The following PRKG1 variants were observed in gnomAD, a reference collection of about 807,000 sequenced individuals.
PRKG1 encodes protein kinase cGMP-dependent 1.
Under a neutral mutation model 88.1 loss-of-function variants are expected in PRKG1, and 35 were observed. The ratio of observed to expected loss-of-function variants is 0.40; its 90% CI spans 0.30 to 0.53. PRKG1 has a LOEUF of 0.53. PRKG1 is among the 20% of genes least tolerant of loss of function. The probability of loss-of-function intolerance (pLI) is 0.59; values close to 1 mark genes in which losing one functional copy is unlikely to be tolerated. For synonymous variants in PRKG1, 303 were observed against 292.5 expected, an observed-to-expected ratio of 1.04 and a Z score of -0.37; for missense variants, 540 against 839.8, an observed-to-expected ratio of 0.64 and a Z score of 4.41.
chr10:51,146,947 A>G (rs1845960186), intron 1 of PRKG1, among the ~76,000 whole-genome samples: 1 of 152,214 alleles, frequency 6.6e-6, no homozygotes, highest in Non-Finnish European at 1.5e-5. Context: ...TATACCCAAC[A>G]GAATACTATT....
chr10:51,155,366 A>G (rs2131979007), intron 2 of PRKG1, among the ~76,000 whole-genome samples: 1 of 152,160 alleles, frequency 6.6e-6, no homozygotes, highest in South Asian at 2.1e-4. Context: ...CTTTTTCTAA[A>G]TATTGTTTAC....
At chr10:51,256,227 G>C (rs1839555147) in intron 2 of PRKG1, among the ~76,000 whole-genome samples, 1 of 152,000 alleles carries the variant, frequency 6.6e-6, no homozygotes, top group Non-Finnish European at 1.5e-5. Context: ...TTTCACAGAG[G>C]AGTTTTAAAT....
intron 2 of PRKG1, among the ~76,000 whole-genome samples, chr10:51,264,703 A>T (rs1839795913): frequency 6.6e-6 from 1 of 152,176 alleles, no homozygotes; most frequent in Non-Finnish European, 1.5e-5. Context: ...GGAATCTTCA[A>T]GTAATAGTGA....
At chr10:51,082,562 C>G (rs1307357459) in intron 1 of PRKG1, among the ~76,000 whole-genome samples, 2 of 152,064 alleles carry the variant, frequency 1.3e-5, no homozygotes, top group Non-Finnish European at 2.9e-5. Context: ...GATAACCACT[C>G]TAATAGGAAG....
chr10:51,664,437 T>G (rs1299776127), intron 3 of PRKG1, among the ~76,000 whole-genome samples: 1 of 152,192 alleles, frequency 6.6e-6, no homozygotes, highest in Non-Finnish European at 1.5e-5. Context: ...TGTCCTAACA[T>G]GGACAGCTTA....
intron 2 of PRKG1, among the ~76,000 whole-genome samples, chr10:51,443,812 C>G (rs1227166228): frequency 6.6e-6 from 1 of 152,004 alleles, no homozygotes; most frequent in East Asian, 1.9e-4. Context: ...GGGTAACAGA[C>G]ATCAGTACTT....
At chr10:51,217,957 A>G (rs1338417175) in intron 2 of PRKG1, among the ~76,000 whole-genome samples, 1 of 152,126 alleles carries the variant, frequency 6.6e-6, no homozygotes, top group Admixed American at 6.6e-5. Flanking sequence ...CTCAGGTCTT[A>G]CAAGTGATTA....
At chr10:51,808,882 C>G (rs980050405) in intron 4 of PRKG1, among the ~76,000 whole-genome samples, 1 of 152,126 alleles carries the variant, frequency 6.6e-6, no homozygotes, top group South Asian at 2.1e-4. Context: ...CGGTAGGGGT[C>G]TCTGTTGTAC....
chr10:51,923,667 T>C (rs1197382005), intron 5 of PRKG1, among the ~76,000 whole-genome samples: 2 of 151,934 alleles, frequency 1.3e-5, no homozygotes, highest in Non-Finnish European at 2.9e-5. Context: ...TAACAGAGTA[T>C]TCCTGTCCCT....
At chr10:51,967,050 C>A (rs2133081783) in intron 5 of PRKG1, among the ~76,000 whole-genome samples, 1 of 152,186 alleles carries the variant, frequency 6.6e-6, no homozygotes, top group Admixed American at 6.5e-5. Context: ...CCCAGCCATC[C>A]AATTACTGGG....
intron 1 of PRKG1, among the ~76,000 whole-genome samples, chr10:51,108,933 C>G (rs574939358): frequency 1.4e-4 from 21 of 151,958 alleles, no homozygotes; most frequent in Non-Finnish European, 1.8e-4. Flanking sequence ...GATACTACAT[C>G]AATATGCAAA....
intron 2 of PRKG1, among the ~76,000 whole-genome samples, chr10:51,168,149 G>T (rs540286171): frequency 3.1e-4 from 47 of 152,180 alleles, no homozygotes; most frequent in Middle Eastern, 3.4e-3. Flanking sequence ...TGTGATCAGG[G>T]ACACTTTTAG....
At chr10:51,197,650 A>G (rs1190502815) in intron 2 of PRKG1, among the ~76,000 whole-genome samples, 1 of 151,958 alleles carries the variant, frequency 6.6e-6, no homozygotes, top group Non-Finnish European at 1.5e-5. Flanking sequence ...GCATATGTGT[A>G]TATACTAGTA....
intron 9 of PRKG1, among the ~76,000 whole-genome samples, chr10:52,175,848 T>G (rs1838850175): frequency 6.6e-6 from 1 of 152,150 alleles, no homozygotes; most frequent in East Asian, 1.9e-4. Flanking sequence ...CATTGTTTGG[T>G]TTTTGCTGTT....
chr10:51,896,573 G>T (rs1048139469), intron 4 of PRKG1, among the ~76,000 whole-genome samples: 2 of 148,360 alleles, frequency 1.3e-5, no homozygotes, highest in Non-Finnish European at 3.0e-5. Flanking sequence ...TTAGCCAAGT[G>T]TGGTGCAATG....
At chr10:51,042,980 A>G (rs935095435) in intron 1 of PRKG1, among the ~76,000 whole-genome samples, 4 of 152,186 alleles carry the variant, frequency 2.6e-5, no homozygotes, top group African/African-American at 9.7e-5. Flanking sequence ...CTATGCCTTA[A>G]TCTTGAACTT....
intron 2 of PRKG1, among the ~76,000 whole-genome samples, chr10:51,429,527 C>T (rs530183972): frequency 1.3e-5 from 2 of 152,150 alleles, no homozygotes; most frequent in East Asian, 3.9e-4. Context: ...CAGACAGAAA[C>T]TTTAAATTAG....
intron 1 of PRKG1, among the ~76,000 whole-genome samples, chr10:51,020,005 T>A (rs1417568094): frequency 1.3e-5 from 2 of 152,148 alleles, no homozygotes; most frequent in African/African-American, 4.8e-5. Flanking sequence ...ATAGCAAGTT[T>A]TGGCAAGGAT....
intron 3 of PRKG1, among the ~76,000 whole-genome samples, chr10:51,536,038 T>G (rs996051940): frequency 4.6e-5 from 7 of 152,168 alleles, no homozygotes; most frequent in Non-Finnish European, 1.0e-4. Flanking sequence ...TCAATGCTTT[T>G]GATAAATTAA....
Sources: gnomAD v4.1 joint callset for allele counts (sites outside exome capture counted in the v4.1 genomes callset) on GRCh38, gnomAD v4.1.1 for gene constraint, MANE v1.5 for transcripts, NCBI Gene and HGNC (gene_info 2026-07-23, HGNC 2026-07-21) for gene names.